Variants in PHACTR3 observed in about 807,000 individuals in gnomAD.
PHACTR3 encodes the protein phosphatase and actin regulator 3.
Under a neutral mutation model 66.8 loss-of-function variants are expected in PHACTR3, and 16 were observed. The ratio of observed to expected loss-of-function variants is 0.24; its 90% confidence interval spans 0.16 to 0.36. PHACTR3 has a LOEUF of 0.36. Among genes scored for constraint, PHACTR3 ranks in the 10% least tolerant of loss-of-function variants. The pLI is 1.00. For missense variants in PHACTR3, 647 were observed against 719.9 expected, an observed-to-expected ratio of 0.90 and a Z score of 1.16; for synonymous variants, 323 against 292.1, an observed-to-expected ratio of 1.11 and a Z score of -1.08.
In PHACTR3 at chr20:59,757,842, C is replaced by T. The variant is rs115379231; in HGVS notation, c.541+2478C>T. Among the ~76,000 whole-genome samples, 599 of 152,264 alleles carry T rather than the reference C, an allele frequency of 3.9e-3. 1 individual carries two copies. The highest frequency in any genetic ancestry group is 0.012 in the African/African-American group (485 of 41,542). On this transcript the variant is annotated intron_variant, in intron 4 of 12. Transcript: ENST00000371015. The stretch of plus-strand genomic sequence containing the variant: ...TTAATTAGCTGAGTGTGTGGGCACA[C>T]ACCTGTAGTCCTAGCTACTCACGAA...
intron 1 of PHACTR3, among the ~76,000 whole-genome samples, chr20:59,730,493 G>C (rs990966845): frequency 1.3e-5 from 2 of 152,146 alleles, no homozygotes; most frequent in African/African-American, 4.8e-5. Flanking sequence ...ATAAGGCCCT[G>C]TTTGCTTGCT....
At position 59,835,032 on chromosome 20, in the gene PHACTR3, C is replaced by A. The variant is rs1217837558; in HGVS notation, c.1329-1473C>A. Among the ~76,000 whole-genome samples the A allele has an allele frequency of 2.0e-5, 3 of 152,190 alleles. No homozygotes were observed. In the East Asian group the frequency reaches 5.8e-4, roughly 29 times the overall value. On this transcript the variant is annotated intron_variant, in intron 8 of 12. Coordinates refer to ENST00000371015, the MANE Select transcript of PHACTR3 (RefSeq NM_080672.5). ...TGAGCTGCATGCAGCCTGCAGGCCACGGGTTAGACAAGCTTGCTCTAGACT... is the reference window on the plus strand; with the variant it reads ...TGAGCTGCATGCAGCCTGCAGGCCAAGGGTTAGACAAGCTTGCTCTAGACT...
At chr20:59,657,992 T>G (rs1364164124) in intron 1 of PHACTR3, among the ~76,000 whole-genome samples, 3 of 152,198 alleles carry the variant, frequency 2.0e-5, no homozygotes, top group Non-Finnish European at 2.9e-5. Context: ...TATGTTCATT[T>G]TACTTCATTC....
chr20:59,761,392 C>T (rs2039989548), intron 4 of PHACTR3, among the ~76,000 whole-genome samples: 1 of 152,162 alleles, frequency 6.6e-6, no homozygotes, highest in African/African-American at 2.4e-5. Flanking sequence ...CCACAGCCAG[C>T]TGCCCAAGCT....
chr20:59,706,346 CAGAG>C (rs1351850173), intron 1 of PHACTR3, among the ~76,000 whole-genome samples: 3 of 152,220 alleles, frequency 2.0e-5, no homozygotes, highest in African/African-American at 7.2e-5. Context: ...TAGGAAATGA[CAGAG>C]AGGCACCAAA....
chr20:59,644,042 C>A (rs79662079), intron 1 of PHACTR3, among the ~76,000 whole-genome samples: 5 of 152,264 alleles, frequency 3.3e-5, no homozygotes, highest in South Asian at 2.1e-4. Flanking sequence ...CAGAGTAACC[C>A]CTGCCTGCAT....
At chr20:59,577,708 C>T in intron 1 of PHACTR3, 3 of 908,352 alleles carry the variant, frequency 3.3e-6, no homozygotes, top group East Asian at 4.6e-5. Context: ...CTCCTGAATC[C>T]CTTGCCCTTG....
chr20:59,590,532 C>A (rs1262253737), intron 1 of PHACTR3, among the ~76,000 whole-genome samples: 2 of 152,120 alleles, frequency 1.3e-5, no homozygotes, highest in Non-Finnish European at 2.9e-5. Flanking sequence ...TTTGTTTATT[C>A]TTTTCTTCAC....
intron 1 of PHACTR3, among the ~76,000 whole-genome samples, chr20:59,659,763 G>A (rs1170125380): frequency 6.6e-6 from 1 of 152,106 alleles, no homozygotes; most frequent in East Asian, 1.9e-4. Flanking sequence ...CCTTACCATA[G>A]CTTAGGCTCT....
chr20:59,745,314 A>T (rs7262367), intron 2 of PHACTR3, among the ~76,000 whole-genome samples: 1 of 151,798 alleles, frequency 6.6e-6, no homozygotes, highest in African/African-American at 2.4e-5. Context: ...AGGCCTGCTG[A>T]CCCCAGCAGT....
intron 1 of PHACTR3, among the ~76,000 whole-genome samples, chr20:59,692,065 G>C (rs542753993): frequency 2.6e-5 from 4 of 152,298 alleles, no homozygotes; most frequent in African/African-American, 7.2e-5. Context: ...TTAGCCTTCC[G>C]AGACAGGACG....
chr20:59,837,502 T>G (rs1380659111), intron 9 of PHACTR3, among the ~76,000 whole-genome samples: 1 of 152,170 alleles, frequency 6.6e-6, no homozygotes, highest in Non-Finnish European at 1.5e-5. Context: ...AACAATCCCC[T>G]CCTTTATAGA....
intron 1 of PHACTR3, among the ~76,000 whole-genome samples, chr20:59,672,418 T>G (rs2036226017): frequency 6.6e-6 from 1 of 152,160 alleles, no homozygotes; most frequent in South Asian, 2.1e-4. Context: ...ATGGCCTGCA[T>G]GTAGAATCAC....
chr20:59,657,010 T>C (rs2035639686), intron 1 of PHACTR3, among the ~76,000 whole-genome samples: 1 of 152,042 alleles, frequency 6.6e-6, no homozygotes, highest in Non-Finnish European at 1.5e-5. Context: ...AATTAATTAT[T>C]ACTTTATATG....
chr20:59,803,080 T>TG (rs1309743644), intron 7 of PHACTR3, among the ~76,000 whole-genome samples: 6 of 152,146 alleles, frequency 3.9e-5, no homozygotes, highest in Admixed American at 3.9e-4. Context: ...GATGACAGTT[T>TG]GGGGGGAATG....
At chr20:59,699,913 G>C (rs1453182067) in intron 1 of PHACTR3, among the ~76,000 whole-genome samples, 1 of 152,198 alleles carries the variant, frequency 6.6e-6, no homozygotes, top group Non-Finnish European at 1.5e-5. Flanking sequence ...AGTGAGCCAA[G>C]ATCGCGCCAC....
intron 1 of PHACTR3, among the ~76,000 whole-genome samples, chr20:59,666,842 C>T (rs192518610): frequency 1.5e-3 from 233 of 152,342 alleles, no homozygotes; most frequent in African/African-American, 5.1e-3. Context: ...AGTCCCATCA[C>T]GCCCCTTCTG....
Position 59,819,086 on chromosome 20 carries a change from C to T in PHACTR3, c.1328+12892C>T, listed in dbSNP as rs78158941. Among the ~76,000 whole-genome samples the T allele has an allele frequency of 2.5e-3, 387 of 152,196 alleles. 2 individuals carry two copies. Among genetic ancestry groups the T allele is most frequent in the African/African-American group, 8.7e-3 (363 of 41,520 alleles). ...TTCCGGAGCCTCTGCTGAGTCTGAT[C>T]GTGCCTGGAGTGAAGAGGACTCTTG... On this transcript the variant is annotated intron_variant, in intron 8 of 12. Coordinates refer to ENST00000371015, the MANE Select transcript of PHACTR3 (RefSeq NM_080672.5).
chr20:59,802,673 C>T (rs2041449071), intron 7 of PHACTR3, among the ~76,000 whole-genome samples: 4 of 152,162 alleles, frequency 2.6e-5, no homozygotes, highest in Admixed American at 2.0e-4. Flanking sequence ...TGCCACTTAG[C>T]AGCTATCTGT....
Sources: allele counts gnomAD v4.1 joint callset (sites outside exome capture counted in the v4.1 genomes callset), GRCh38; gene constraint gnomAD v4.1.1; transcripts MANE v1.5; gene names NCBI Gene and HGNC (gene_info 2026-07-23, HGNC 2026-07-21).